The following FSD1L variants were observed in gnomAD, a reference collection of about 807,000 sequenced individuals.
The protein encoded by FSD1L is FSD1-like protein.
Under a neutral mutation model 71.6 loss-of-function variants are expected in FSD1L, and 45 were observed. The ratio of observed to expected loss-of-function variants is 0.63; its 90% confidence interval spans 0.49 to 0.81. The LOEUF is 0.81. Ranked by LOEUF, FSD1L falls within the 30% of genes least tolerant of loss-of-function variation. FSD1L has a pLI of 0.00. For missense variants in FSD1L, 561 were observed against 618.1 expected, an observed-to-expected ratio of 0.91 and a Z score of 0.98; for synonymous variants, 197 against 207.2, an observed-to-expected ratio of 0.95 and a Z score of 0.42.
chr9:105,466,705 A>AT (rs1479530668), intron 3 of FSD1L, among the ~76,000 whole-genome samples: 194 of 152,160 alleles, frequency 1.3e-3, no homozygotes, highest in African/African-American at 4.5e-3. Context: ...AAAAAAAAAA[A>AT]AATAATTATT....
At chr9:105,528,485 T>C (rs904412573) in intron 10 of FSD1L, among the ~76,000 whole-genome samples, 1 of 152,144 alleles carries the variant, frequency 6.6e-6, no homozygotes, top group Non-Finnish European at 1.5e-5. Context: ...ACCACACATC[T>C]ACAACCATCT....
intron 7 of FSD1L, among the ~76,000 whole-genome samples, chr9:105,486,260 A>G (rs79221330): frequency 0.032 from 4,929 of 152,300 alleles, 285 homozygotes; most frequent in African/African-American, 0.11. Flanking sequence ...ACAGGGCTCT[A>G]CTTAAGAGTA....
chr9:105,473,672 G>A (rs1831615746), intron 5 of FSD1L, among the ~76,000 whole-genome samples: 1 of 152,204 alleles, frequency 6.6e-6, no homozygotes, highest in Admixed American at 6.5e-5. Context: ...ACTATAGAAT[G>A]TGGACACTAA....
At chr9:105,463,109 A>T (rs890691151) in intron 2 of FSD1L, among the ~76,000 whole-genome samples, 86 of 150,766 alleles carry the variant, frequency 5.7e-4, no homozygotes, top group Middle Eastern at 3.4e-3. Flanking sequence ...TTGCACTCCA[A>T]CCTGGGAGAC....
At position 105,509,609 on chromosome 9, in the gene FSD1L, T is replaced by A. The variant is rs186816468; in HGVS notation, c.895+894T>A. Among the ~76,000 whole-genome samples, 45 of 151,608 alleles carry A rather than the reference T, an allele frequency of 3.0e-4. No individual in the cohort carries two copies. In the South Asian group the frequency reaches 9.2e-3, roughly 31 times the overall value. ...TTGAATAGGTTTACCTGCCAGAAAT[T>A]TGATTGGATTTGGAGGATGACAAAA... On this transcript the variant is annotated intron_variant, in intron 9 of 13. Coordinates refer to ENST00000481272, the MANE Select transcript of FSD1L (RefSeq NM_001145313.3).
intron 13 of FSD1L, 33 bp from the exon 14 acceptor site, chr9:105,546,325 T>C: frequency 1.3e-6 from 2 of 1,495,122 alleles, no homozygotes; most frequent in East Asian, 2.5e-5. Context: ...TAGTTTGATT[T>C]GCAATCTGAC....
intron 6 of FSD1L, among the ~76,000 whole-genome samples, chr9:105,479,787 A>G (rs1832049892): frequency 6.6e-6 from 1 of 152,256 alleles, no homozygotes; most frequent in African/African-American, 2.4e-5. Context: ...CTCAAGAACT[A>G]AAGCGCTCCT....
chr9:105,547,446 G>T lies in FSD1L; in HGVS notation c.*963G>T, dbSNP rs1041040195. The T allele has an allele frequency of 9.9e-5, 15 of 152,238 alleles. No individual in the cohort carries two copies. The highest frequency in any genetic ancestry group is 3.3e-4 in the Admixed American group (5 of 15,228). 9.4% of individuals were successfully genotyped at this position (152,238 alleles called of 1,614,324 possible). A position where few individuals can be genotyped will look rare whatever the true frequency, so the allele number is the denominator to read the frequency against. ...ATCTAAGAAGGATAGGTTATAAAGG[G>T]AGGTACCTAAATACTCAAATAATGT... is the stretch of plus-strand genomic sequence containing the variant. On this transcript the variant is annotated 3_prime_UTR_variant, in exon 14 of 14. Coordinates refer to ENST00000481272, the MANE Select transcript of FSD1L (RefSeq NM_001145313.3).
chr9:105,500,705 A>T (rs1589025922), intron 7 of FSD1L: 1 of 152,036 alleles, frequency 6.6e-6, no homozygotes, highest in Non-Finnish European at 1.5e-5. Context: ...GTGTGGGGAC[A>T]CTCCTATGAC....
At chr9:105,444,268 C>G (rs1000665631), upstream of FSD1L, among the ~76,000 whole-genome samples, 5 of 152,198 alleles carry the variant, frequency 3.3e-5, no homozygotes, top group Non-Finnish European at 5.9e-5. Flanking sequence ...ACATAATCCC[C>G]TTTAATCCTC....
chr9:105,461,493 G>A (rs2131602260), intron 1 of FSD1L, 27 bp from the exon 2 acceptor site: 1 of 1,245,914 alleles, frequency 8.0e-7, no homozygotes, highest in Admixed American at 2.4e-5. Flanking sequence ...GGCTGCTATT[G>A]GCTCCTACTG....
At chr9:105,534,644 A>T in intron 11 of FSD1L, 51 bp downstream of exon 11, 1 of 1,056,970 alleles carries the variant, frequency 9.5e-7, no homozygotes, top group Non-Finnish European at 1.4e-6. Context: ...AGGCATCACA[A>T]TCACACTGGT....
At chr9:105,523,051 C>T in intron 10 of FSD1L, 2 of 1,614,212 alleles carry the variant, frequency 1.2e-6, no homozygotes, top group Non-Finnish European at 1.7e-6. Flanking sequence ...GGAGCCGACA[C>T]TGGGGTTACG....
At chr9:105,466,535 A>G (rs561445022) in intron 3 of FSD1L, among the ~76,000 whole-genome samples, 15 of 152,236 alleles carry the variant, frequency 9.9e-5, no homozygotes, top group African/African-American at 3.1e-4. Flanking sequence ...TCTACTAAAA[A>G]TACAAGAATT....
intron 1 of FSD1L, among the ~76,000 whole-genome samples, chr9:105,456,885 T>G (rs1830391676): frequency 6.6e-6 from 1 of 152,224 alleles, no homozygotes; most frequent in African/African-American, 2.4e-5. Context: ...ATTTTCTAGA[T>G]AAGCTTCAGA....
chr9:105,448,253 G>A lies in FSD1L; in HGVS notation c.15+18G>A. 6.5e-7 allele frequency: 1 copy of A among 1,530,222 alleles called. No homozygotes were observed. Among genetic ancestry groups the A allele is most frequent in the Non-Finnish European group, 8.8e-7 (1 of 1,137,178 alleles). 94.8% of individuals were successfully genotyped at this position (1,530,222 alleles called of 1,614,324 possible). On this transcript the variant is annotated intron_variant, in intron 1 of 13. Transcript: ENST00000481272. ...CCCAGAAAGTAAGCGGGGGAGGGGA[G>A]CCCGGGGCTACCGAGACAAGCCGGG...
At chr9:105,476,634 T>G (rs1410704345) in intron 5 of FSD1L, among the ~76,000 whole-genome samples, 1 of 152,190 alleles carries the variant, frequency 6.6e-6, no homozygotes, top group African/African-American at 2.4e-5. Context: ...ACATCACTCT[T>G]TAGATCTTCT....
Position 105,538,687 on chromosome 9 carries a change from A to G in FSD1L, c.1379-576A>G, listed in dbSNP as rs115670400. On this transcript the variant is annotated intron_variant, in intron 12 of 13. Coordinates refer to ENST00000481272, the MANE Select transcript of FSD1L (RefSeq NM_001145313.3). Reference sequence around the variant, plus strand: ...CATAGTGGCTCATGCTTGTAATCCTAGCACTTTGGGAGACTGAGGTGGAGG... The same window carrying G: ...CATAGTGGCTCATGCTTGTAATCCTGGCACTTTGGGAGACTGAGGTGGAGG... 9.2e-3 allele frequency among the ~76,000 whole-genome samples: 1,401 copies of G among 152,268 alleles called. 22 individuals carry two copies. Among genetic ancestry groups the G allele is most frequent in the African/African-American group, 0.032 (1,342 of 41,554 alleles).
In FSD1L at chr9:105,481,852, A is replaced by T. The variant is rs568920021; in HGVS notation, c.464+2476A>T. Reference sequence around the variant, plus strand: ...CAGTGGCACAATCACAGCTTACTGCAGCCTGGACCTCCCTGGCTTAAGGGG... The same window carrying T: ...CAGTGGCACAATCACAGCTTACTGCTGCCTGGACCTCCCTGGCTTAAGGGG... On this transcript the variant is annotated intron_variant, in intron 6 of 13. Coordinates refer to ENST00000481272, the MANE Select transcript of FSD1L (RefSeq NM_001145313.3). Among the ~76,000 whole-genome samples the T allele has an allele frequency of 5.3e-5, 8 of 151,650 alleles. No individual in the cohort carries two copies. In the South Asian group the frequency reaches 1.5e-3, roughly 28 times the overall value.
Sources: gnomAD v4.1 joint callset for allele counts (sites outside exome capture counted in the v4.1 genomes callset) on GRCh38, gnomAD v4.1.1 for gene constraint, MANE v1.5 for transcripts, NCBI Gene and HGNC (gene_info 2026-07-23, HGNC 2026-07-21) for gene names.